GABRG2: variants seen among roughly 807,000 people sequenced by gnomAD.
GABRG2 encodes gamma-aminobutyric acid receptor subunit gamma-2.
A neutral mutation model predicts 56.4 loss-of-function variants in GABRG2; 16 were observed. The ratio of observed to expected loss-of-function variants is 0.28; its 90% CI spans 0.19 to 0.43. The LOEUF is 0.43. GABRG2 is among the 20% of genes least tolerant of loss of function. The pLI is 1.00. For synonymous variants in GABRG2, 208 were observed against 205.5 expected (o/e 1.01, Z -0.10); for missense variants, 327 against 582.7 (o/e 0.56, Z 4.52).
At chr5:162,098,211 G>T (rs1020598685) in intron 4 of GABRG2, 2 of 268,380 alleles carry the variant, frequency 7.5e-6, no homozygotes, top group African/African-American at 4.6e-5. Flanking sequence ...CAAGGAAATA[G>T]TTGCTAAAAG....
At chr5:162,117,936 CAT>C (rs1398317025) in intron 6 of GABRG2, among the ~76,000 whole-genome samples, 1 of 152,096 alleles carries the variant, frequency 6.6e-6, no homozygotes, top group African/African-American at 2.4e-5. Context: ...GAGCATTTCA[CAT>C]ATGAAAGACA....
intron 1 of GABRG2, among the ~76,000 whole-genome samples, chr5:162,071,278 A>C (rs926965239): frequency 1.3e-4 from 19 of 151,416 alleles, no homozygotes; most frequent in Non-Finnish European, 2.4e-4. Flanking sequence ...AAATACCCTA[A>C]AGGGAAAAAA....
At chr5:162,068,144 G>C (rs1758368830) in intron 1 of GABRG2, 38 bp downstream of exon 1, 2 of 1,452,548 alleles carry the variant, frequency 1.4e-6, no homozygotes, top group East Asian at 4.6e-5. Flanking sequence ...TTGTTCTGAA[G>C]AGGTGGGGGG....
chr5:162,078,838 A>G (rs2113177304), intron 1 of GABRG2, among the ~76,000 whole-genome samples: 1 of 152,148 alleles, frequency 6.6e-6, no homozygotes, highest in South Asian at 2.1e-4. Context: ...TCATACATGG[A>G]ACGATATTTA....
At chr5:162,134,870 G>T (rs978897293) in intron 6 of GABRG2, among the ~76,000 whole-genome samples, 1 of 152,084 alleles carries the variant, frequency 6.6e-6, no homozygotes, top group Non-Finnish European at 1.5e-5. Flanking sequence ...ATTCAAACCA[G>T]TTCCCATTCT....
intron 6 of GABRG2, among the ~76,000 whole-genome samples, chr5:162,117,985 A>G (rs1406323177): frequency 6.6e-6 from 1 of 152,110 alleles, no homozygotes; most frequent in Non-Finnish European, 1.5e-5. Context: ...TAAACTTGCG[A>G]CAAATTTTTG....
At chr5:162,136,645 G>A (rs1013341749) in intron 6 of GABRG2, among the ~76,000 whole-genome samples, 2 of 152,110 alleles carry the variant, frequency 1.3e-5, no homozygotes, top group East Asian at 1.9e-4. Flanking sequence ...AGGGCTCAGA[G>A]GACACAAATA....
intron 5 of GABRG2, 171 bp downstream of exon 5, chr5:162,101,488 G>A (rs1761413404): frequency 3.1e-6 from 2 of 644,460 alleles, no homozygotes; most frequent in Non-Finnish European, 2.8e-6. Flanking sequence ...GCTCCGATTA[G>A]GGTGATTCCT....
intron 6 of GABRG2, among the ~76,000 whole-genome samples, chr5:162,111,489 A>G (rs543181654): frequency 9.9e-5 from 15 of 152,130 alleles, no homozygotes; most frequent in Admixed American, 7.9e-4. Flanking sequence ...AAGGTGACAC[A>G]TGTCATTTCT....
chr5:162,151,900 A>C, intron 9 of GABRG2, 147 bp downstream of exon 9: 1 of 702,480 alleles, frequency 1.4e-6, no homozygotes, highest in Non-Finnish European at 2.4e-6. Context: ...ACAGACTTCT[A>C]GAGTTGATTC....
At chr5:162,105,304 A>G (rs776424071) in intron 6 of GABRG2, among the ~76,000 whole-genome samples, 18 of 152,250 alleles carry the variant, frequency 1.2e-4, no homozygotes, top group Non-Finnish European at 1.8e-4. Context: ...ACTGTCTCCT[A>G]AAGGTTCTTT....
chr5:162,106,786 C>T (rs905067853), intron 6 of GABRG2, among the ~76,000 whole-genome samples: 1 of 151,958 alleles, frequency 6.6e-6, no homozygotes, highest in African/African-American at 2.4e-5. Flanking sequence ...CTTCTGATTC[C>T]TAATTTTTTT....
Position 162,148,638 on chromosome 5 carries a change from A to G in GABRG2, c.923-470A>G, listed in dbSNP as rs74972040. Among the ~76,000 whole-genome samples the G allele has an allele frequency of 3.9e-3, 598 of 152,286 alleles. 2 individuals carry two copies. Among genetic ancestry groups the G allele is most frequent in the African/African-American group, 0.014 (563 of 41,552 alleles). On this transcript the variant is annotated intron_variant, in intron 7 of 9. Transcript: ENST00000639213. ...GCCAGGTCTTCTAAAAATTTAAATA[A>G]CAGACAAGGTTTCTCTTTCTCAGAA...
At chr5:162,125,446 T>C (rs1001426609) in intron 6 of GABRG2, among the ~76,000 whole-genome samples, 1 of 150,958 alleles carries the variant, frequency 6.6e-6, no homozygotes, top group Non-Finnish European at 1.5e-5. Flanking sequence ...TTTTGGATTA[T>C]ATAATCATTG....
At chr5:162,148,235 C>T (rs1027433459) in intron 7 of GABRG2, among the ~76,000 whole-genome samples, 2 of 152,166 alleles carry the variant, frequency 1.3e-5, no homozygotes, top group Non-Finnish European at 2.9e-5. Context: ...ATTCTGTCTG[C>T]TACTTACCAA....
intron 6 of GABRG2, among the ~76,000 whole-genome samples, chr5:162,139,317 G>T (rs187711865): frequency 6.6e-6 from 1 of 152,168 alleles, no homozygotes; most frequent in African/African-American, 2.4e-5. Flanking sequence ...CACTGATGCC[G>T]CACTTTAAGG....
At chr5:162,140,544 TTCAAATCAGA>T (rs1389720699) in intron 6 of GABRG2, among the ~76,000 whole-genome samples, 1 of 152,174 alleles carries the variant, frequency 6.6e-6, no homozygotes, top group Non-Finnish European at 1.5e-5. Context: ...GCACCTTATT[TTCAAATCAGA>T]TCAAATCAGC....
chr5:162,125,765 G>T (rs1053243466), intron 6 of GABRG2, among the ~76,000 whole-genome samples: 4 of 151,778 alleles, frequency 2.6e-5, no homozygotes, highest in Admixed American at 1.3e-4. Context: ...AACTTACACA[G>T]AGTAAGGAAG....
At chr5:162,151,812 G>A in intron 9 of GABRG2, 59 bp downstream of exon 9, 2 of 1,405,434 alleles carry the variant, frequency 1.4e-6, no homozygotes, top group Admixed American at 3.4e-5. Flanking sequence ...AACTATTAAT[G>A]CTTACATGGT....
Sources: allele counts gnomAD v4.1 joint callset (sites outside exome capture counted in the v4.1 genomes callset), GRCh38; gene constraint gnomAD v4.1.1; transcripts MANE v1.5; gene names NCBI Gene and HGNC (gene_info 2026-07-23, HGNC 2026-07-21).